Variants in FMN2 observed in about 807,000 individuals in gnomAD.
FMN2 encodes the protein formin-2.
FMN2 carries 51 observed loss-of-function variants against 142.3 expected under a neutral mutation model. The observed-to-expected ratio is 0.36, with a 90% confidence interval of 0.29 to 0.45. The LOEUF is 0.45. FMN2 is among the 20% of genes least tolerant of loss of function. The probability of loss-of-function intolerance (pLI) is 1.00; values close to 1 mark genes in which losing one functional copy is unlikely to be tolerated. For synonymous variants in FMN2, 882 were observed against 869.8 expected (o/e 1.01, Z -0.25); for missense variants, 1,936 against 2,122.8 (o/e 0.91, Z 1.73).
chr1:240,248,372 TTATA>T (rs35386496), intron 6 of FMN2, among the ~76,000 whole-genome samples: 13 of 146,670 alleles, frequency 8.9e-5, no homozygotes, highest in Admixed American at 1.4e-4. Context: ...GTTTTATGGA[TTATA>T]TATATATATA....
chr1:240,196,364 T>C (rs967440344), intron 4 of FMN2, among the ~76,000 whole-genome samples: 8 of 152,152 alleles, frequency 5.3e-5, no homozygotes, highest in Admixed American at 2.6e-4. Flanking sequence ...TTGGTAACCA[T>C]GTCTAGGGTA....
At chr1:240,162,946 A>G (rs1172936866) in intron 2 of FMN2, among the ~76,000 whole-genome samples, 1 of 152,184 alleles carries the variant, frequency 6.6e-6, no homozygotes, top group African/African-American at 2.4e-5. Flanking sequence ...AAATATTTAT[A>G]TTATCCTTCA....
chr1:240,207,728 A>T lies in FMN2; in HGVS notation c.2916A>T (p.Gly972=). The change falls in exon 5 of 18, where the codon GGA becomes GGT. Residue 972 remains glycine, a synonymous_variant. Transcript: ENST00000319653. ...AGIPLPPPLP[G]AGIPPPPPLP... is the part of the protein sequence containing the mutation. ...TACCCCTTCCTCCCCCTCTTCCCGG[A>T]GCAGGAATACCTCCTCCACCCCCTC... is the stretch of plus-strand genomic sequence containing the variant. 1 of 1,291,326 alleles carries T rather than the reference A, an allele frequency of 7.7e-7. No homozygotes were observed. 80.0% of individuals were successfully genotyped at this position (1,291,326 alleles called of 1,614,324 possible). A position where few individuals can be genotyped will look rare whatever the true frequency, so the allele number is the denominator to read the frequency against.
At chr1:240,320,114 G>A (rs549123745) in intron 8 of FMN2, among the ~76,000 whole-genome samples, 1 of 152,288 alleles carries the variant, frequency 6.6e-6, no homozygotes, top group African/African-American at 2.4e-5. Context: ...GGCAAACACA[G>A]TAAATCTTGA....
intron 4 of FMN2, among the ~76,000 whole-genome samples, chr1:240,191,775 T>C (rs1187285637): frequency 6.6e-6 from 1 of 152,228 alleles, no homozygotes; most frequent in Non-Finnish European, 1.5e-5. Context: ...ATACAATTTT[T>C]GTTTCAAAGC....
chr1:240,173,024 C>A (rs1388782859), intron 2 of FMN2, among the ~76,000 whole-genome samples: 1 of 152,066 alleles, frequency 6.6e-6, no homozygotes, highest in Non-Finnish European at 1.5e-5. Context: ...CAACCTCTGC[C>A]TCCCAGGTTC....
intron 3 of FMN2, among the ~76,000 whole-genome samples, chr1:240,183,127 A>C (rs1460059164): frequency 6.6e-6 from 1 of 151,634 alleles, no homozygotes; most frequent in Non-Finnish European, 1.5e-5. Context: ...CATGTAGCTC[A>C]GGCTGGTGTT....
At chr1:240,229,718 C>T (rs1667476413) in intron 6 of FMN2, among the ~76,000 whole-genome samples, 1 of 74,458 alleles carries the variant, frequency 1.3e-5, no homozygotes, top group African/African-American at 8.0e-5. Context: ...ATGATCTCAG[C>T]TCACTGCAGC....
intron 7 of FMN2, among the ~76,000 whole-genome samples, chr1:240,294,230 T>C (rs1669890926): frequency 1.3e-5 from 2 of 152,326 alleles, no homozygotes; most frequent in South Asian, 4.1e-4. Flanking sequence ...CTATTATCTA[T>C]CCTGCTTCTT....
intron 14 of FMN2, among the ~76,000 whole-genome samples, chr1:240,376,135 C>T (rs567582088): frequency 6.6e-6 from 1 of 152,008 alleles, no homozygotes; most frequent in African/African-American, 2.4e-5. Flanking sequence ...TTTAATACAG[C>T]TACTTCAGCT....
At chr1:240,426,212 G>A (rs1286273430) in intron 15 of FMN2, among the ~76,000 whole-genome samples, 5 of 151,792 alleles carry the variant, frequency 3.3e-5, no homozygotes, top group Non-Finnish European at 5.9e-5. Flanking sequence ...CATTCTTTAT[G>A]TGCACAATTC....
At position 240,208,426 on chromosome 1, in the gene FMN2, G is replaced by T; in HGVS notation, c.3614G>T (p.Gly1205Val). The change falls in exon 5 of 18, where the codon GGG becomes GTG. Residue 1205 changes from glycine (G) to valine (V), a missense_variant. Physicochemically the swap from Gly to Val is moderately radical, Grantham distance 109. This residue lies in a region of FMN2 where 259 missense variants were observed against 230.9 expected (regional missense o/e 1.12). Transcript: ENST00000319653. ...IPPPPPLPGA[G>V]IPPPPPLPGM... ...CCTCCGCCCCCTCTACCTGGTGCTGGGATTCCCCCACCTCCTCCCTTGCCA... is the reference window on the plus strand; with the variant it reads ...CCTCCGCCCCCTCTACCTGGTGCTGTGATTCCCCCACCTCCTCCCTTGCCA... The T allele has an allele frequency of 6.3e-7, 1 of 1,594,550 alleles. No homozygotes were observed. The highest frequency in any genetic ancestry group is 2.2e-5 in the East Asian group (1 of 44,492).
chr1:240,407,736 T>C (rs1047041992), intron 15 of FMN2, among the ~76,000 whole-genome samples: 2 of 152,204 alleles, frequency 1.3e-5, no homozygotes, highest in African/African-American at 4.8e-5. Flanking sequence ...TCCAAGGTTT[T>C]CCACAGTTCC....
intron 1 of FMN2, among the ~76,000 whole-genome samples, chr1:240,095,346 A>AAT (rs1469403789): frequency 6.6e-6 from 1 of 150,540 alleles, no homozygotes; most frequent in Admixed American, 6.7e-5. Flanking sequence ...TCATTTAGCA[A>AAT]ATATATATAT....
intron 13 of FMN2, among the ~76,000 whole-genome samples, chr1:240,334,513 C>T (rs2103019773): frequency 6.6e-6 from 1 of 152,214 alleles, no homozygotes; most frequent in Non-Finnish European, 1.5e-5. Context: ...TAACCAAGAA[C>T]ATTTTGGTAT....
rs12071178 is a variant in FMN2 at position 240,323,487 on chromosome 1, C to A, written c.4216-5589C>A. ...CTGAGATTACAGGCGTGAGCCATGC[C>A]CCTGGCCCAGACCTTTGACCTTTTT... On this transcript the variant is annotated intron_variant, in intron 8 of 17. Coordinates refer to ENST00000319653, the MANE Select transcript of FMN2 (RefSeq NM_020066.5). Among the ~76,000 whole-genome samples the A allele has an allele frequency of 5.5e-3, 830 of 152,162 alleles. 9 individuals are homozygous for A. Among genetic ancestry groups the A allele is most frequent in the African/African-American group, 0.019 (779 of 41,454 alleles).
intron 7 of FMN2, among the ~76,000 whole-genome samples, chr1:240,277,696 C>T (rs1669264779): frequency 6.6e-6 from 1 of 151,766 alleles, no homozygotes; most frequent in East Asian, 1.9e-4. Context: ...CCATGCCCGG[C>T]TAATTTTTTT....
At chr1:240,336,582 A>AAG (rs144682452) in intron 13 of FMN2, among the ~76,000 whole-genome samples, 5,681 of 101,328 alleles carry the variant, frequency 0.056, 1,474 homozygotes, top group Non-Finnish European at 0.074. Flanking sequence ...AAAAAAAAAA[A>AAG]GGTGGTTGCA....
At chr1:240,388,739 G>A (rs1673501169) in intron 14 of FMN2, among the ~76,000 whole-genome samples, 1 of 151,838 alleles carries the variant, frequency 6.6e-6, no homozygotes, top group Admixed American at 6.6e-5. Flanking sequence ...GCATGCGCCT[G>A]TAATCCCAAC....
Sources: gnomAD v4.1 joint callset for allele counts (sites outside exome capture counted in the v4.1 genomes callset) on GRCh38, gnomAD v4.1.1 for gene constraint, gnomAD v4.1.1 regional missense constraint, MANE v1.5 for transcripts, NCBI Gene and HGNC (gene_info 2026-07-23, HGNC 2026-07-21) for gene names.